CDH12: variants seen among roughly 807,000 people sequenced by gnomAD.
CDH12 encodes the protein cadherin 12, also known as cadherin-12.
In CDH12, 41 loss-of-function variants were observed where a neutral mutation model predicts 74.1. That is an observed-to-expected ratio of 0.55 (90% confidence interval 0.43 to 0.72). The LOEUF is 0.72. Ranked by LOEUF, CDH12 falls within the 30% of genes least tolerant of loss-of-function variation. The pLI is 0.00. For missense variants in CDH12, 945 were observed against 977.2 expected, an observed-to-expected ratio of 0.97 and a Z score of 0.44; for synonymous variants, 399 against 355.0, an observed-to-expected ratio of 1.12 and a Z score of -1.39.
At chr5:21,965,269 C>T (rs1180984075) in intron 6 of CDH12, among the ~76,000 whole-genome samples, 1 of 151,876 alleles carries the variant, frequency 6.6e-6, no homozygotes, top group Non-Finnish European at 1.5e-5. Flanking sequence ...CACTGTCAAA[C>T]AAAATGTACG....
chr5:22,010,643 G>A (rs1011587405), intron 5 of CDH12, among the ~76,000 whole-genome samples: 1 of 151,940 alleles, frequency 6.6e-6, no homozygotes, highest in Non-Finnish European at 1.5e-5. Context: ...TCCATTCATG[G>A]GTAAGGATAC....
chr5:22,342,606 ACTT>A (rs1323277498), intron 3 of CDH12, among the ~76,000 whole-genome samples: 1 of 103,894 alleles, frequency 9.6e-6, no homozygotes, highest in Non-Finnish European at 1.8e-5. Context: ...TCTCTTTCTT[ACTT>A]TTTTCTTTCT....
At chr5:21,850,167 A>T (rs1470170391) in intron 7 of CDH12, among the ~76,000 whole-genome samples, 1 of 151,612 alleles carries the variant, frequency 6.6e-6, no homozygotes, top group Non-Finnish European at 1.5e-5. Flanking sequence ...AAATGGGGAG[A>T]TGTAGGTCAA....
chr5:22,583,850 T>G (rs906366600), intron 1 of CDH12, among the ~76,000 whole-genome samples: 1 of 152,084 alleles, frequency 6.6e-6, no homozygotes, highest in African/African-American at 2.4e-5. Context: ...GTATAATAAA[T>G]CAAACACCCT....
chr5:22,293,837 G>A (rs913070135), intron 3 of CDH12, among the ~76,000 whole-genome samples: 4 of 152,084 alleles, frequency 2.6e-5, no homozygotes, highest in East Asian at 1.9e-4. Flanking sequence ...CAGAGGCTAC[G>A]GTGGTTGGGG....
At chr5:22,104,608 T>G (rs112389418) in intron 4 of CDH12, among the ~76,000 whole-genome samples, 2,756 of 152,258 alleles carry the variant, frequency 0.018, 95 homozygotes, top group African/African-American at 0.063. Flanking sequence ...AACGTGTGCA[T>G]TAGAAATACT....
At chr5:22,694,604 T>C (rs1347448995) in intron 1 of CDH12, among the ~76,000 whole-genome samples, 1 of 152,090 alleles carries the variant, frequency 6.6e-6, no homozygotes, top group Non-Finnish European at 1.5e-5. Flanking sequence ...ATTTCTGTAT[T>C]TTTTTATTTA....
At chr5:22,070,100 C>A (rs528760218) in intron 5 of CDH12, among the ~76,000 whole-genome samples, 34 of 152,080 alleles carry the variant, frequency 2.2e-4, no homozygotes, top group African/African-American at 7.2e-4. Flanking sequence ...TATTTAATAT[C>A]TTTTTTCTTC....
chr5:22,361,386 C>T (rs1420310055), intron 3 of CDH12, among the ~76,000 whole-genome samples: 1 of 152,094 alleles, frequency 6.6e-6, no homozygotes, highest in Non-Finnish European at 1.5e-5. Context: ...TGTGAAGGAC[C>T]TCTTCAAGGA....
intron 6 of CDH12, among the ~76,000 whole-genome samples, chr5:21,935,113 C>T (rs374927326): frequency 2.2e-3 from 334 of 152,086 alleles, no homozygotes; most frequent in Non-Finnish European, 3.5e-3. Flanking sequence ...TCTTTCTCTC[C>T]TCTCCTTCTT....
chr5:22,777,116 G>C (rs1747142746), intron 1 of CDH12, among the ~76,000 whole-genome samples: 1 of 151,986 alleles, frequency 6.6e-6, no homozygotes, highest in Admixed American at 6.6e-5. Context: ...TTAGGTGCTA[G>C]ATAGCTATGA....
chr5:22,275,878 C>A (rs1210757211), intron 3 of CDH12, among the ~76,000 whole-genome samples: 1 of 152,172 alleles, frequency 6.6e-6, no homozygotes, highest in South Asian at 2.1e-4. Context: ...TAGTTCTTTG[C>A]CCAATTGGTG....
At position 22,768,693 on chromosome 5, in the gene CDH12, G is replaced by A. The variant is rs532220420; in HGVS notation, c.-523+84365C>T. 5.9e-4 allele frequency among the ~76,000 whole-genome samples: 90 copies of A among 152,122 alleles called. 1 individual carries two copies. In the South Asian group the frequency reaches 0.018, roughly 30 times the overall value. ...AAAAATGAATAAGATTTGGACCCAT[G>A]GTAACTACCTGGTCTCTGCCACTGA... On this transcript the variant is annotated intron_variant, in intron 1 of 14. Transcript: ENST00000382254.
intron 1 of CDH12, among the ~76,000 whole-genome samples, chr5:22,611,290 C>T (rs116150371): frequency 4.9e-4 from 74 of 152,252 alleles, no homozygotes; most frequent in African/African-American, 1.7e-3. Flanking sequence ...ATTGAAAAAC[C>T]ATTTATTTTG....
At chr5:22,305,675 G>A (rs1738074466) in intron 3 of CDH12, among the ~76,000 whole-genome samples, 1 of 152,142 alleles carries the variant, frequency 6.6e-6, no homozygotes. Context: ...CAGCTGCACT[G>A]TGAGTTCCGC....
chr5:22,716,003 G>A (rs1743556510), intron 1 of CDH12, among the ~76,000 whole-genome samples: 2 of 151,798 alleles, frequency 1.3e-5, no homozygotes, highest in Non-Finnish European at 2.9e-5. Context: ...CGAGTGTGAT[G>A]GTGCGTGCCT....
intron 6 of CDH12, chr5:21,883,404 G>A (rs1485346215): frequency 1.3e-5 from 21 of 1,563,774 alleles, no homozygotes; most frequent in Non-Finnish European, 1.8e-5. Context: ...TAAGCCTTTG[G>A]TGATAATCGC....
chr5:22,826,809 C>A (rs1203813837), intron 1 of CDH12, among the ~76,000 whole-genome samples: 1 of 152,038 alleles, frequency 6.6e-6, no homozygotes, highest in Non-Finnish European at 1.5e-5. Flanking sequence ...GCAAAGCATT[C>A]AAGAGGTGAT....
intron 1 of CDH12, among the ~76,000 whole-genome samples, chr5:22,768,224 G>A (rs533952194): frequency 6.6e-6 from 1 of 151,972 alleles, no homozygotes; most frequent in Non-Finnish European, 1.5e-5. Context: ...AATCACATTA[G>A]GGAAGGAAAA....
Sources: allele counts gnomAD v4.1 joint callset (sites outside exome capture counted in the v4.1 genomes callset), GRCh38; gene constraint gnomAD v4.1.1; transcripts MANE v1.5; gene names NCBI Gene and HGNC (gene_info 2026-07-23, HGNC 2026-07-21).